Variants in NTNG1 observed in about 807,000 individuals in gnomAD.
NTNG1 encodes the protein netrin-G1.
NTNG1 carries 16 observed loss-of-function variants against 54.0 expected under a neutral mutation model. That is an observed-to-expected ratio of 0.30 (90% CI 0.20 to 0.45). NTNG1 has a LOEUF of 0.45. NTNG1 is among the 20% of genes least tolerant of loss of function. The probability of loss-of-function intolerance (pLI) is 1.00; values close to 1 mark genes in which losing one functional copy is unlikely to be tolerated. For synonymous variants in NTNG1, 255 were observed against 263.1 expected, an observed-to-expected ratio of 0.97 and a Z score of 0.30; for missense variants, 530 against 678.7, an observed-to-expected ratio of 0.78 and a Z score of 2.43.
chr1:107,316,858 A>G (rs1263125507), intron 2 of NTNG1, among the ~76,000 whole-genome samples: 1 of 152,216 alleles, frequency 6.6e-6, no homozygotes, highest in African/African-American at 2.4e-5. Flanking sequence ...TAGATATCCA[A>G]TAAATAGCTA....
intron 2 of NTNG1, among the ~76,000 whole-genome samples, chr1:107,299,468 T>G (rs1666192732): frequency 6.6e-6 from 1 of 152,192 alleles, no homozygotes; most frequent in Non-Finnish European, 1.5e-5. Context: ...TAGAAATAAC[T>G]ATTATTTTTT....
At chr1:107,443,565 G>A (rs991352342) in intron 7 of NTNG1, among the ~76,000 whole-genome samples, 1 of 152,020 alleles carries the variant, frequency 6.6e-6, no homozygotes, top group Non-Finnish European at 1.5e-5. Flanking sequence ...TCTAGTTGCT[G>A]TCTCTTCCTA....
chr1:107,175,099 G>T (rs1308170199), intron 2 of NTNG1, among the ~76,000 whole-genome samples: 3 of 152,126 alleles, frequency 2.0e-5, no homozygotes, highest in African/African-American at 7.2e-5. Context: ...CAACCAAATT[G>T]TATTTGCCTT....
Position 107,220,986 on chromosome 1 carries a change from A to G in NTNG1, c.246+72147A>G, listed in dbSNP as rs149991234. ...TTATTATCAATGGATATTATTATCA[A>G]TGTAACCTTGAGCAAATCATTTACC... On this transcript the variant is annotated intron_variant, in intron 2 of 7. Transcript: ENST00000370068. 1.7e-3 allele frequency among the ~76,000 whole-genome samples: 255 copies of G among 152,202 alleles called. 2 individuals are homozygous for G. The East Asian group carries it at 0.035, about 21-fold the overall frequency.
Position 107,481,618 on chromosome 1 carries a change from T to G in NTNG1, c.*778T>G, listed in dbSNP as rs766256829. ...ATTGCCAATTTGTGTTACCAGACAATCTGTTAATGTATCTAATTCGAATCA... is the reference window on the plus strand; with the variant it reads ...ATTGCCAATTTGTGTTACCAGACAAGCTGTTAATGTATCTAATTCGAATCA... On this transcript the variant is annotated 3_prime_UTR_variant, in exon 8 of 8. Transcript: ENST00000370068. The G allele has an allele frequency of 5.9e-5, 9 of 152,654 alleles. No homozygotes were observed. Among genetic ancestry groups the G allele is most frequent in the East Asian group, 1.9e-4 (1 of 5,200 alleles). 9.5% of individuals were successfully genotyped at this position (152,654 alleles called of 1,614,324 possible).
intron 5 of NTNG1, among the ~76,000 whole-genome samples, chr1:107,412,271 A>T (rs879376786): frequency 2.0e-5 from 3 of 152,202 alleles, no homozygotes; most frequent in Non-Finnish European, 2.9e-5. Flanking sequence ...TACTTCAAGG[A>T]TGTGGCTATC....
At chr1:107,256,906 C>A (rs1432053393) in intron 2 of NTNG1, among the ~76,000 whole-genome samples, 1 of 152,112 alleles carries the variant, frequency 6.6e-6, no homozygotes, top group Non-Finnish European at 1.5e-5. Context: ...TCAAAATGTC[C>A]AAATTGTTAT....
intron 3 of NTNG1, among the ~76,000 whole-genome samples, chr1:107,373,900 C>G (rs2101002119): frequency 6.6e-6 from 1 of 152,086 alleles, no homozygotes; most frequent in African/African-American, 2.4e-5. Context: ...CAGGGTCTTG[C>G]TTTTTTGCTC....
intron 2 of NTNG1, among the ~76,000 whole-genome samples, chr1:107,309,632 T>C (rs1205367832): frequency 6.6e-6 from 1 of 152,194 alleles, no homozygotes; most frequent in East Asian, 1.9e-4. Context: ...TTGATTCTGC[T>C]TCATCGCTTG....
intron 7 of NTNG1, among the ~76,000 whole-genome samples, chr1:107,472,008 G>A (rs1014029105): frequency 6.6e-6 from 1 of 152,074 alleles, no homozygotes; most frequent in Non-Finnish European, 1.5e-5. Context: ...GGGTAAATAG[G>A]ACAAGTGTTA....
chr1:107,308,996 T>C (rs188766380), intron 2 of NTNG1, among the ~76,000 whole-genome samples: 1 of 128,012 alleles, frequency 7.8e-6, no homozygotes, highest in Admixed American at 9.1e-5. Flanking sequence ...CGTTGATGTA[T>C]TATTGGTTCT....
rs567505485 is a variant in NTNG1, at chr1:107,318,173, G to C, written c.247-6109G>C. On this transcript the variant is annotated intron_variant, in intron 2 of 7. Coordinates refer to ENST00000370068, the MANE Select transcript of NTNG1 (RefSeq NM_001113226.3). ...AAATAATTCACAAGTTTTAAATTGTGTGCCTCTATAAGTAGTTTGATAAAA... is the reference window on the plus strand; with the variant it reads ...AAATAATTCACAAGTTTTAAATTGTCTGCCTCTATAAGTAGTTTGATAAAA... 2.6e-5 allele frequency among the ~76,000 whole-genome samples: 4 copies of C among 152,214 alleles called. No homozygotes were observed. In the South Asian group the frequency reaches 8.3e-4, roughly 32 times the overall value.
At chr1:107,424,339 G>T (rs1377985128) in intron 5 of NTNG1, among the ~76,000 whole-genome samples, 1 of 152,078 alleles carries the variant, frequency 6.6e-6, no homozygotes, top group East Asian at 1.9e-4. Flanking sequence ...GAATTAGGAG[G>T]TGAGTGCTAG....
rs1678936620 is a variant in NTNG1, at chr1:107,484,861, C to A, written c.*4021C>A. Among the ~76,000 whole-genome samples, 1 of 152,192 alleles carries A rather than the reference C, an allele frequency of 6.6e-6. No individual in the cohort carries two copies. The highest frequency in any genetic ancestry group is 2.4e-5 in the African/African-American group (1 of 41,452). ...ATGGGAAATGGGTTGTTGTACTTTA[C>A]CGGTTGTTAAACACTAAATAAAATA... is the stretch of plus-strand genomic sequence containing the variant. On this transcript the variant is annotated 3_prime_UTR_variant, in exon 8 of 8. Transcript: ENST00000370068.
chr1:107,462,988 T>C (rs958217585), intron 7 of NTNG1, among the ~76,000 whole-genome samples: 9 of 152,160 alleles, frequency 5.9e-5, no homozygotes, highest in Non-Finnish European at 1.3e-4. Flanking sequence ...ATTTCTCCCA[T>C]ACAGTGGGGA....
intron 2 of NTNG1, among the ~76,000 whole-genome samples, chr1:107,173,146 G>A (rs1000194031): frequency 6.6e-6 from 1 of 152,166 alleles, no homozygotes; most frequent in Non-Finnish European, 1.5e-5. Flanking sequence ...AAAGAATCAT[G>A]TAGTAGTGTT....
At chr1:107,232,137 C>T (rs1661110167) in intron 2 of NTNG1, among the ~76,000 whole-genome samples, 1 of 152,118 alleles carries the variant, frequency 6.6e-6, no homozygotes, top group Non-Finnish European at 1.5e-5. Context: ...AATGTGTAAC[C>T]TTCTTTATTT....
At chr1:107,186,981 G>A (rs1335866991) in intron 2 of NTNG1, among the ~76,000 whole-genome samples, 1 of 152,062 alleles carries the variant, frequency 6.6e-6, no homozygotes, top group Non-Finnish European at 1.5e-5. Context: ...AAATCATACT[G>A]TTGCACACTT....
chr1:107,231,408 G>A (rs1389783406), intron 2 of NTNG1, among the ~76,000 whole-genome samples: 1 of 152,040 alleles, frequency 6.6e-6, no homozygotes, highest in Non-Finnish European at 1.5e-5. Flanking sequence ...CATTTACTGC[G>A]GTAAATGGTG....
Sources: gnomAD v4.1 joint callset for allele counts (sites outside exome capture counted in the v4.1 genomes callset) on GRCh38, gnomAD v4.1.1 for gene constraint, MANE v1.5 for transcripts, NCBI Gene and HGNC (gene_info 2026-07-23, HGNC 2026-07-21) for gene names.